The following PLCL2 variants were observed in gnomAD, a reference collection of about 807,000 sequenced individuals.
PLCL2 encodes the protein inactive phospholipase C-like protein 2.
A neutral mutation model predicts 79.6 loss-of-function variants in PLCL2; 4 were observed. That is an observed-to-expected ratio of 0.05 (90% CI 0.02 to 0.11). The LOEUF is 0.11. Among genes scored for constraint, PLCL2 ranks in the 10% least tolerant of loss-of-function variants. The pLI is 1.00. For synonymous variants in PLCL2, 484 were observed against 457.7 expected (o/e 1.06, Z -0.73); for missense variants, 895 against 1,291.0 (o/e 0.69, Z 4.70).
chr3:17,052,949 C>T lies in PLCL2; in HGVS notation c.3094+10000C>T, dbSNP rs116799426. The stretch of plus-strand genomic sequence containing the variant: ...AAGCATCCATCAGGTCCAAAGTAGG[C>T]TATTATTAGTAAACTTTTTGGGGAG... On this transcript the variant is annotated intron_variant, in intron 4 of 5. Transcript: ENST00000615277. Among the ~76,000 whole-genome samples, 257 of 152,200 alleles carry T rather than the reference C, an allele frequency of 1.7e-3. 1 individual carries two copies. The highest frequency in any genetic ancestry group is 5.9e-3 in the African/African-American group (247 of 41,524).
intron 1 of PLCL2, among the ~76,000 whole-genome samples, chr3:16,907,846 C>T (rs1370916238): frequency 6.6e-6 from 1 of 152,022 alleles, no homozygotes; most frequent in East Asian, 1.9e-4. Context: ...CTTTACCTGC[C>T]TTCATAATGA....
At chr3:16,897,857 T>C (rs1351409388) in intron 1 of PLCL2, among the ~76,000 whole-genome samples, 1 of 152,270 alleles carries the variant, frequency 6.6e-6, no homozygotes, top group African/African-American at 2.4e-5. Context: ...TTTTATTGGC[T>C]GCAAAGCAGT....
rs147206299 is a variant in PLCL2 at position 17,042,620 on chromosome 3, G to A, written c.3019-254G>A. The A allele has an allele frequency of 4.2e-3, 1,366 of 322,938 alleles. 8 individuals are homozygous for A. Among genetic ancestry groups the A allele is most frequent in the Non-Finnish European group, 6.0e-3 (1,030 of 172,092 alleles). The allele number at this position is 322,938 out of a possible 1,614,324, so 20.0% of individuals were successfully genotyped here. On this transcript the variant is annotated intron_variant, in intron 3 of 5. Transcript: ENST00000615277. ...ACTCAGTTCAGTATATTAGCTCAGG[G>A]TTCAAGTGCAGTGTTGTACTAGCCT...
chr3:16,955,811 A>C, intron 1 of PLCL2, among the ~76,000 whole-genome samples: 1 of 152,158 alleles, frequency 6.6e-6, no homozygotes, highest in East Asian at 1.9e-4. Flanking sequence ...GAGTTCACTC[A>C]TGATTTGGCT....
At chr3:17,045,336 CA>C (rs1276826332) in intron 4 of PLCL2, among the ~76,000 whole-genome samples, 1 of 152,170 alleles carries the variant, frequency 6.6e-6, no homozygotes, top group Admixed American at 6.5e-5. Flanking sequence ...AATAAAGAGT[CA>C]GACATCCACC....
At chr3:17,049,271 T>C (rs148792389) in intron 4 of PLCL2, among the ~76,000 whole-genome samples, 1,993 of 152,310 alleles carry the variant, frequency 0.013, 50 homozygotes, top group African/African-American at 0.045. Context: ...GATGGTTTGA[T>C]AATTTTAGAA....
chr3:16,935,114 A>T (rs1697509132), intron 1 of PLCL2, among the ~76,000 whole-genome samples: 3 of 152,212 alleles, frequency 2.0e-5, no homozygotes, highest in African/African-American at 7.2e-5. Flanking sequence ...TAGGAAGAAA[A>T]TACATACCTT....
Position 17,004,730 on chromosome 3 carries a change from G to A in PLCL2, c.328-4944G>A, listed in dbSNP as rs1472924549. On this transcript the variant is annotated intron_variant, in intron 1 of 5. Coordinates refer to ENST00000615277, the MANE Select transcript of PLCL2 (RefSeq NM_001144382.2). The stretch of plus-strand genomic sequence containing the variant: ...GTTATTGTTATTGAGCTGAAGAAAG[G>A]TCAGGCCTTGCTGTGCTCATTTAAT... Among the ~76,000 whole-genome samples the A allele has an allele frequency of 3.3e-5, 5 of 152,078 alleles. 1 individual carries two copies. The highest frequency in any genetic ancestry group is 5.9e-5 in the Non-Finnish European group (4 of 68,028).
At chr3:17,060,698 G>A (rs1005758792) in intron 4 of PLCL2, among the ~76,000 whole-genome samples, 3 of 152,094 alleles carry the variant, frequency 2.0e-5, no homozygotes, top group African/African-American at 7.2e-5. Flanking sequence ...CATACCATAA[G>A]TCATGTACAG....
intron 5 of PLCL2, chr3:17,081,255 C>T (rs988033582): frequency 2.4e-5 from 11 of 456,580 alleles, no homozygotes; most frequent in South Asian, 6.2e-5. Flanking sequence ...GTACCCTCCT[C>T]CTTCTCCTCC....
chr3:16,903,479 GA>G (rs1299246221), intron 1 of PLCL2, among the ~76,000 whole-genome samples: 1 of 152,106 alleles, frequency 6.6e-6, no homozygotes, highest in Non-Finnish European at 1.5e-5. Flanking sequence ...TCTTATATTG[GA>G]AAAATACTAA....
intron 1 of PLCL2, among the ~76,000 whole-genome samples, chr3:16,953,093 T>A (rs2063668608): frequency 6.6e-6 from 1 of 152,118 alleles, no homozygotes; most frequent in Non-Finnish European, 1.5e-5. Context: ...AAACAAGTCT[T>A]AAAAATAAAT....
At chr3:16,974,378 A>C (rs568669944) in intron 1 of PLCL2, among the ~76,000 whole-genome samples, 32 of 152,234 alleles carry the variant, frequency 2.1e-4, no homozygotes, top group African/African-American at 7.5e-4. Flanking sequence ...AAAGGATAGA[A>C]GTGGATGGGT....
intron 1 of PLCL2, among the ~76,000 whole-genome samples, chr3:16,906,352 C>T (rs976624090): frequency 7.8e-4 from 118 of 152,182 alleles, no homozygotes; most frequent in African/African-American, 2.7e-3. Flanking sequence ...TTTTTACTCT[C>T]AATCTATTAT....
intron 5 of PLCL2, among the ~76,000 whole-genome samples, chr3:17,072,574 C>T (rs2065070721): frequency 6.6e-6 from 1 of 150,766 alleles, no homozygotes; most frequent in East Asian, 1.9e-4. Flanking sequence ...GAGGCTGAGG[C>T]AGGAGAATCG....
chr3:16,977,584 T>G (rs1042718106), intron 1 of PLCL2, among the ~76,000 whole-genome samples: 3 of 152,142 alleles, frequency 2.0e-5, no homozygotes, highest in Non-Finnish European at 1.5e-5. Flanking sequence ...GTAGACCACT[T>G]AGGTATTTCT....
chr3:17,060,676 G>A (rs35100600), intron 4 of PLCL2, among the ~76,000 whole-genome samples: 23,271 of 152,036 alleles, frequency 0.15, 2,272 homozygotes, highest in Non-Finnish European at 0.2. Flanking sequence ...TGTTCTCTAA[G>A]TAGTGTGATA....
At chr3:16,935,371 A>G (rs9853476) in intron 1 of PLCL2, among the ~76,000 whole-genome samples, 28,580 of 152,060 alleles carry the variant, frequency 0.19, 3,174 homozygotes, top group East Asian at 0.53. Context: ...TTTGTTGATC[A>G]GAAAGTTTTT....
At position 17,009,455 on chromosome 3, in the gene PLCL2, A is replaced by G. The variant is rs568476040; in HGVS notation, c.328-219A>G. On this transcript the variant is annotated intron_variant, in intron 1 of 5. Coordinates refer to ENST00000615277, the MANE Select transcript of PLCL2 (RefSeq NM_001144382.2). The surrounding 1 kb of genome is among the most constrained non-coding windows in gnomAD (Gnocchi z 4.0). ...TTCTTCTTGATAAATATGAATTGCAATTATTCAATAATGATTTCATACCTG... is the reference window on the plus strand; with the variant it reads ...TTCTTCTTGATAAATATGAATTGCAGTTATTCAATAATGATTTCATACCTG... 5.9e-5 allele frequency among the ~76,000 whole-genome samples: 9 copies of G among 152,170 alleles called. No homozygotes were observed. Among genetic ancestry groups the G allele is most frequent in the South Asian group, 4.2e-4 (2 of 4,808 alleles).
Sources: allele counts gnomAD v4.1 joint callset (sites outside exome capture counted in the v4.1 genomes callset), GRCh38; gene constraint gnomAD v4.1.1; non-coding constraint Gnocchi (gnomAD v3.1); transcripts MANE v1.5; gene names NCBI Gene and HGNC (gene_info 2026-07-23, HGNC 2026-07-21).